DLGAP2: variants seen among roughly 807,000 people sequenced by gnomAD.
DLGAP2 encodes the protein DLG associated protein 2, also known as disks large-associated protein 2.
Under a neutral mutation model 100.3 loss-of-function variants are expected in DLGAP2, and 26 were observed. The observed-to-expected ratio is 0.26, with a 90% confidence interval of 0.19 to 0.36. DLGAP2 has a LOEUF of 0.36. DLGAP2 is among the 10% of genes least tolerant of loss of function. The pLI is 1.00. For missense variants in DLGAP2, 1,858 were observed against 1,453.2 expected, an observed-to-expected ratio of 1.28 and a Z score of -4.53; for synonymous variants, 886 against 630.1, an observed-to-expected ratio of 1.41 and a Z score of -6.08.
chr8:1,142,071 TAA>T (rs1053063346), intron 2 of DLGAP2, among the ~76,000 whole-genome samples: 2 of 96,612 alleles, frequency 2.1e-5, no homozygotes, highest in Non-Finnish European at 5.2e-5. Context: ...CCTACGTATA[TAA>T]GTTTTTTTTT....
chr8:1,638,721 A>T (rs1186802993), intron 8 of DLGAP2, among the ~76,000 whole-genome samples: 1 of 152,128 alleles, frequency 6.6e-6, no homozygotes, highest in East Asian at 1.9e-4. Flanking sequence ...GCCGTGGATG[A>T]GGCCCAGAAA....
chr8:1,081,897 C>T (rs1198254024), intron 2 of DLGAP2, among the ~76,000 whole-genome samples: 2 of 152,180 alleles, frequency 1.3e-5, no homozygotes, highest in Admixed American at 6.5e-5. Flanking sequence ...GCTGCGGCTG[C>T]TCCTACCCCT....
chr8:1,333,722 C>G (rs1424274930), intron 3 of DLGAP2, among the ~76,000 whole-genome samples: 1 of 152,348 alleles, frequency 6.6e-6, no homozygotes, highest in Non-Finnish European at 1.5e-5. Context: ...GTCTCAAATT[C>G]AGTTTCATAT....
chr8:929,946 A>G lies in DLGAP2; in HGVS notation c.73+21980A>G, dbSNP rs1340958957. ...CTGGCTTTGTTTTTTCACCTCAGAA[A>G]TGTGTATTTTTTTCTTCCTGCCATT... On this transcript the variant is annotated intron_variant, in intron 2 of 14. Transcript: ENST00000637795. 2.6e-5 allele frequency among the ~76,000 whole-genome samples: 4 copies of G among 151,896 alleles called. No individual in the cohort carries two copies. In the East Asian group the frequency reaches 7.8e-4, roughly 30 times the overall value.
At chr8:1,308,930 A>G (rs1800552105) in intron 3 of DLGAP2, among the ~76,000 whole-genome samples, 1 of 152,168 alleles carries the variant, frequency 6.6e-6, no homozygotes, top group African/African-American at 2.4e-5. Flanking sequence ...TTTTTTTTAA[A>G]GAAAACAGCA....
Position 1,476,691 on chromosome 8 carries a change from A to G in DLGAP2, c.107-24675A>G, listed in dbSNP as rs1798939699. 1.3e-5 allele frequency among the ~76,000 whole-genome samples: 2 copies of G among 151,756 alleles called. 1 individual carries two copies. The highest frequency in any genetic ancestry group is 4.2e-4 in the South Asian group (2 of 4,790). ...TGGCCAACCCACCAGCCCGTTATGCAGACCCACCCTTGATGGCTGAGTGCT... is the reference window on the plus strand; with the variant it reads ...TGGCCAACCCACCAGCCCGTTATGCGGACCCACCCTTGATGGCTGAGTGCT... On this transcript the variant is annotated intron_variant, in intron 3 of 14. Transcript: ENST00000637795.
chr8:1,700,311 G>A (rs576836178), intron 14 of DLGAP2, among the ~76,000 whole-genome samples: 35 of 152,162 alleles, frequency 2.3e-4, no homozygotes, highest in Non-Finnish European at 4.7e-4. Flanking sequence ...GCCTTCTGCC[G>A]TGTGCCCTTT....
chr8:1,687,061 G>A (rs1028797578), intron 12 of DLGAP2, among the ~76,000 whole-genome samples: 6 of 152,136 alleles, frequency 3.9e-5, no homozygotes, highest in African/African-American at 1.4e-4. Flanking sequence ...TGAGGCTCGA[G>A]ATCTTGAAAG....
At chr8:1,054,427 C>T (rs766845676) in intron 2 of DLGAP2, among the ~76,000 whole-genome samples, 1 of 152,168 alleles carries the variant, frequency 6.6e-6, no homozygotes, top group Non-Finnish European at 1.5e-5. Context: ...GATTTGTGGT[C>T]ACCAGTTACA....
intron 1 of DLGAP2, among the ~76,000 whole-genome samples, chr8:882,070 A>G (rs542719019): frequency 6.6e-6 from 1 of 152,162 alleles, no homozygotes; most frequent in Admixed American, 6.5e-5. Context: ...TGGTCACATG[A>G]TATCACCCAG....
At chr8:927,222 AT>A in intron 2 of DLGAP2, 4 of 985,472 alleles carry the variant, frequency 4.1e-6, no homozygotes, top group Non-Finnish European at 3.6e-6. Context: ...TTTATAGAAC[AT>A]GATCCATTAT....
chr8:1,422,753 G>A (rs1315519297), intron 3 of DLGAP2, among the ~76,000 whole-genome samples: 3 of 152,090 alleles, frequency 2.0e-5, no homozygotes, highest in Admixed American at 6.5e-5. Flanking sequence ...GATTGGGGGT[G>A]GGGGAATGTG....
chr8:801,692 C>G (rs536082808), intron 1 of DLGAP2, among the ~76,000 whole-genome samples: 38 of 152,250 alleles, frequency 2.5e-4, no homozygotes, highest in African/African-American at 8.9e-4. Context: ...AGTGGCTGTC[C>G]TTAGCCCACT....
chr8:1,043,383 G>A (rs1585007891), intron 2 of DLGAP2, among the ~76,000 whole-genome samples: 1 of 151,344 alleles, frequency 6.6e-6, no homozygotes, highest in African/African-American at 2.4e-5. Flanking sequence ...TGGCTGGCAG[G>A]TGGTGGACGT....
At chr8:811,526 T>A (rs1487819769) in intron 1 of DLGAP2, among the ~76,000 whole-genome samples, 1 of 147,934 alleles carries the variant, frequency 6.8e-6, no homozygotes, top group African/African-American at 2.5e-5. Context: ...AGCTTTCGGA[T>A]GAAGCTCCCA....
intron 2 of DLGAP2, among the ~76,000 whole-genome samples, chr8:934,590 C>T (rs1037674257): frequency 1.3e-5 from 2 of 152,136 alleles, no homozygotes; most frequent in African/African-American, 4.8e-5. Context: ...CTCACTTCTG[C>T]GAGGAGGCGT....
chr8:1,334,290 C>T (rs983152443), intron 3 of DLGAP2, among the ~76,000 whole-genome samples: 10 of 152,192 alleles, frequency 6.6e-5, no homozygotes, highest in African/African-American at 2.4e-4. Flanking sequence ...CCCCATGCAG[C>T]CCTGGCAGCT....
At chr8:832,631 C>T (rs1426238510) in intron 1 of DLGAP2, among the ~76,000 whole-genome samples, 1 of 152,176 alleles carries the variant, frequency 6.6e-6, no homozygotes, top group African/African-American at 2.4e-5. Flanking sequence ...GGGATATCTG[C>T]CTGTCACTTT....
Position 1,411,250 on chromosome 8 carries a change from C to G in DLGAP2, c.107-90116C>G, listed in dbSNP as rs1796722454. 2.0e-5 allele frequency among the ~76,000 whole-genome samples: 3 copies of G among 152,264 alleles called. No individual in the cohort carries two copies. The East Asian group carries it at 5.8e-4, about 29-fold the overall frequency. On this transcript the variant is annotated intron_variant, in intron 3 of 14. Coordinates refer to ENST00000637795, the MANE Select transcript of DLGAP2 (RefSeq NM_001346810.2). ...TGTTTATATATATTGTGTCTTTTAA[C>G]AATGTGCAATGCATAGCTACATTAT...
Sources: allele counts gnomAD v4.1 joint callset (sites outside exome capture counted in the v4.1 genomes callset), GRCh38; gene constraint gnomAD v4.1.1; transcripts MANE v1.5; gene names NCBI Gene and HGNC (gene_info 2026-07-23, HGNC 2026-07-21).